Variants in PALLD observed in about 807,000 individuals in gnomAD.
PALLD encodes the protein palladin, cytoskeletal associated protein.
Under a neutral mutation model 123.5 loss-of-function variants are expected in PALLD, and 61 were observed. The observed-to-expected ratio is 0.49, with a 90% CI of 0.40 to 0.61. The LOEUF (loss-of-function observed/expected upper bound fraction) is 0.61. Among genes scored for constraint, PALLD ranks in the 20% least tolerant of loss-of-function variants. PALLD has a pLI of 0.00. For missense variants in PALLD, 1,273 were observed against 1,377.0 expected (o/e 0.92, Z 1.20); for synonymous variants, 465 against 496.4 (o/e 0.94, Z 0.84).
chr4:168,849,755 A>T (rs1329828275), intron 10 of PALLD, among the ~76,000 whole-genome samples: 9 of 3,226 alleles, frequency 2.8e-3, no homozygotes, highest in Non-Finnish European at 0.011. Context: ...TTTTTAAAGC[A>T]AAAAAAAAAA....
chr4:168,585,553 C>T (rs1157802200), intron 2 of PALLD, among the ~76,000 whole-genome samples: 2 of 150,872 alleles, frequency 1.3e-5, no homozygotes, highest in African/African-American at 4.9e-5. Context: ...TGTCTATGCA[C>T]GAAGGCACTC....
chr4:168,550,699 A>G (rs920276624), intron 2 of PALLD, among the ~76,000 whole-genome samples: 1 of 152,086 alleles, frequency 6.6e-6, no homozygotes, highest in Admixed American at 6.6e-5. Flanking sequence ...TCAAGATCAA[A>G]TTTTTGCTAT....
chr4:168,589,235 T>G (rs1771158096), intron 2 of PALLD, among the ~76,000 whole-genome samples: 1 of 152,226 alleles, frequency 6.6e-6, no homozygotes, highest in Non-Finnish European at 1.5e-5. Context: ...TCTGATCTAA[T>G]GAGAACAGCT....
intron 10 of PALLD, among the ~76,000 whole-genome samples, chr4:168,793,363 G>A (rs1279960223): frequency 1.3e-5 from 1 of 75,030 alleles, no homozygotes; most frequent in East Asian, 2.3e-4. Flanking sequence ...ACATATATGT[G>A]TGCATATATA....
chr4:168,803,041 A>C (rs938506056), intron 10 of PALLD, among the ~76,000 whole-genome samples: 2 of 152,238 alleles, frequency 1.3e-5, no homozygotes, highest in Non-Finnish European at 2.9e-5. Flanking sequence ...GGTGAATAGC[A>C]GCCTGATTCT....
At chr4:168,602,814 G>A (rs368453856) in intron 2 of PALLD, among the ~76,000 whole-genome samples, 3 of 152,200 alleles carry the variant, frequency 2.0e-5, no homozygotes, top group Non-Finnish European at 2.9e-5. Flanking sequence ...CACTCAGGCT[G>A]GAGTGCAGTG....
intron 2 of PALLD, among the ~76,000 whole-genome samples, chr4:168,663,427 C>T (rs1266167803): frequency 1.3e-5 from 2 of 152,128 alleles, no homozygotes; most frequent in African/African-American, 4.8e-5. Flanking sequence ...AGTGGGTTCT[C>T]AAGCACAGGG....
At chr4:168,892,572 C>G (rs1365742914) in intron 11 of PALLD, among the ~76,000 whole-genome samples, 1 of 152,038 alleles carries the variant, frequency 6.6e-6, no homozygotes, top group Non-Finnish European at 1.5e-5. Flanking sequence ...AAGATTTTCA[C>G]AAGAGGAAAA....
At chr4:168,741,589 G>A (rs1788345307) in intron 10 of PALLD, among the ~76,000 whole-genome samples, 3 of 152,148 alleles carry the variant, frequency 2.0e-5, no homozygotes, top group South Asian at 4.1e-4. Context: ...GGACAGTGAG[G>A]TGGAGGATCA....
intron 2 of PALLD, among the ~76,000 whole-genome samples, chr4:168,646,052 G>T (rs1316915945): frequency 6.6e-6 from 1 of 152,174 alleles, no homozygotes; most frequent in Non-Finnish European, 1.5e-5. Flanking sequence ...ACTGGGGCAA[G>T]AAGCCAACTT....
intron 10 of PALLD, among the ~76,000 whole-genome samples, chr4:168,833,594 G>C (rs1307374326): frequency 6.6e-6 from 1 of 152,078 alleles, no homozygotes; most frequent in Non-Finnish European, 1.5e-5. Flanking sequence ...TTGGCTGTGA[G>C]GATAATTTCT....
At chr4:168,681,148 A>T (rs1781512667) in intron 3 of PALLD, among the ~76,000 whole-genome samples, 184 bp from the exon 4 acceptor site, 1 of 152,234 alleles carries the variant, frequency 6.6e-6, no homozygotes, top group South Asian at 2.1e-4. Flanking sequence ...TACTTTTTAA[A>T]AATGAGTTTC....
At position 168,877,897 on chromosome 4, in the gene PALLD, C is replaced by T. The variant is rs952079408; in HGVS notation, c.1965-13025C>T. The T allele has an allele frequency of 9.5e-6, 14 of 1,470,776 alleles. No homozygotes were observed. The African/African-American group carries it at 1.9e-4, about 20-fold the overall frequency. The allele number at this position is 1,470,776 out of a possible 1,614,324, so 91.1% of individuals were successfully genotyped here. ...CGCCCGCGTCCCCGGAGCCCATGAG[C>T]GCGCTGGCCTCCCGCTCCGCCCCCG... On this transcript the variant is annotated intron_variant, in intron 10 of 21. Coordinates refer to ENST00000505667, the MANE Select transcript of PALLD (RefSeq NM_001166108.2).
At chr4:168,828,180 G>A (rs932346370) in intron 10 of PALLD, among the ~76,000 whole-genome samples, 1 of 152,190 alleles carries the variant, frequency 6.6e-6, no homozygotes, top group Non-Finnish European at 1.5e-5. Flanking sequence ...TGTAGAAAAT[G>A]TGCCAATCCA....
At chr4:168,838,346 G>A (rs1241035425) in intron 10 of PALLD, among the ~76,000 whole-genome samples, 1 of 152,178 alleles carries the variant, frequency 6.6e-6, no homozygotes, top group African/African-American at 2.4e-5. Context: ...GGCGGAATCT[G>A]GGGGCACAGA....
At chr4:168,575,162 T>C (rs374336606) in intron 2 of PALLD, among the ~76,000 whole-genome samples, 105 of 152,254 alleles carry the variant, frequency 6.9e-4, no homozygotes, top group African/African-American at 2.4e-3. Context: ...CAGAATCACC[T>C]GGAGGGCTTA....
chr4:168,691,107 G>T (rs551067658), intron 7 of PALLD, among the ~76,000 whole-genome samples, 162 bp from the exon 8 acceptor site: 2 of 152,076 alleles, frequency 1.3e-5, no homozygotes, highest in Non-Finnish European at 2.9e-5. Context: ...AATATAAACC[G>T]ATCTATCACT....
chr4:168,872,148 G>C (rs1246022306), intron 10 of PALLD, among the ~76,000 whole-genome samples: 1 of 152,204 alleles, frequency 6.6e-6, no homozygotes, highest in Non-Finnish European at 1.5e-5. Flanking sequence ...ATTAGGAATT[G>C]GTCATCAGTT....
chr4:168,840,533 C>T (rs773649915), intron 10 of PALLD, among the ~76,000 whole-genome samples: 12 of 152,260 alleles, frequency 7.9e-5, no homozygotes, highest in Middle Eastern at 6.8e-3. Context: ...TACTCAGAAG[C>T]GTGGTGGATG....
Sources: allele counts gnomAD v4.1 joint callset (sites outside exome capture counted in the v4.1 genomes callset), GRCh38; gene constraint gnomAD v4.1.1; transcripts MANE v1.5; gene names NCBI Gene and HGNC (gene_info 2026-07-23, HGNC 2026-07-21).